Variants in HSCB observed in about 807,000 individuals in gnomAD.
The protein encoded by HSCB is iron-sulfur cluster co-chaperone protein HscB.
In HSCB, 23 loss-of-function variants were observed where a neutral mutation model predicts 31.3. That is an observed-to-expected ratio of 0.74 (90% confidence interval 0.53 to 1.04). The LOEUF (loss-of-function observed/expected upper bound fraction) is 1.04. HSCB is among the 50% of genes least tolerant of loss of function. The pLI is 0.00. For synonymous variants in HSCB, 110 were observed against 104.5 expected (o/e 1.05, Z -0.32); for missense variants, 297 against 288.1 (o/e 1.03, Z -0.22).
At chr22:28,742,623 A>C in intron 1 of HSCB, 1 of 397,914 alleles carries the variant, frequency 2.5e-6, no homozygotes, top group Non-Finnish European at 4.5e-6. Context: ...GGGAGATTTG[A>C]GGGGCGGTAC....
At chr22:28,742,542 AGG>A (rs941450446) in intron 1 of HSCB, 18 of 808,848 alleles carry the variant, frequency 2.2e-5, no homozygotes, top group Admixed American at 1.9e-4. Context: ...GGTGTGGAGA[AGG>A]GAGACGAACG....
rs769519079 is a variant in HSCB, at chr22:28,744,669, A to T, written c.388A>T (p.Thr130Ser). 6 of 1,613,928 alleles carry T rather than the reference A, an allele frequency of 3.7e-6. No homozygotes were observed. Among genetic ancestry groups the T allele is most frequent in the Admixed American group, 1.7e-5 (1 of 60,002 alleles). The change falls in exon 3 of 6, where the codon ACC (threonine) becomes TCC (serine). Residue 130 changes from threonine to serine, a missense_variant. Physicochemically the swap from Thr to Ser is moderately conservative, Grantham distance 58 (BLOSUM62 1). Transcript: ENST00000216027. Reference protein sequence around the residue: ...HSTLVNDAYKTLLAPLSRGLY... With the variant: ...HSTLVNDAYKSLLAPLSRGLY... ...GACCCTGGTGAATGATGCCTATAAG[A>T]CCCTCCTGGCCCCCCTGAGCAGAGG...
chr22:28,745,780 ATTATTT>A (rs1201976795), intron 3 of HSCB, 78 bp from the exon 4 acceptor site: 6 of 1,164,094 alleles, frequency 5.2e-6, no homozygotes, highest in Non-Finnish European at 7.3e-6. Flanking sequence ...TATTAGTGGT[ATTATTT>A]CCTAATGGAT....
intron 1 of HSCB, chr22:28,742,692 G>T: frequency 3.0e-6 from 1 of 334,936 alleles, no homozygotes; most frequent in Non-Finnish European, 5.6e-6. Flanking sequence ...TACTTGAGGG[G>T]CAGGGCCTGG....
chr22:28,754,834 C>G (rs1229722097), intron 5 of HSCB, among the ~76,000 whole-genome samples: 1 of 149,234 alleles, frequency 6.7e-6, no homozygotes, highest in Non-Finnish European at 1.5e-5. Context: ...TTTGCTCTTT[C>G]GCCCAGGCTA....
In HSCB at chr22:28,746,771, T is replaced by C. The variant is rs184401100; in HGVS notation, c.568+763T>C. Reference sequence around the variant, plus strand: ...AAAATTAGCCAGGCATGGTGGTGCATGCCTGTAATCCCAACTACTCGGGAA... The same window carrying C: ...AAAATTAGCCAGGCATGGTGGTGCACGCCTGTAATCCCAACTACTCGGGAA... On this transcript the variant is annotated intron_variant, in intron 4 of 5. Coordinates refer to ENST00000216027, the MANE Select transcript of HSCB (RefSeq NM_172002.5). Among the ~76,000 whole-genome samples, 1,161 of 152,080 alleles carry C rather than the reference T, an allele frequency of 7.6e-3. 16 individuals carry two copies. The highest frequency in any genetic ancestry group is 0.027 in the African/African-American group (1,121 of 41,484).
At chr22:28,746,136 T>TCATGCCTATAA (rs2054683497) in intron 4 of HSCB, 128 bp downstream of exon 4, 1 of 835,664 alleles carries the variant, frequency 1.2e-6, no homozygotes, top group African/African-American at 1.8e-5. Context: ...ATCCCAGCAC[T>TCATGCCTATAA]TTGGGAGGCC....
upstream of HSCB, chr22:28,742,035 G>T: frequency 1.3e-6 from 2 of 1,532,664 alleles, no homozygotes; most frequent in Admixed American, 1.9e-5. Context: ...ACATTAGTCT[G>T]GTTAGACGCT....
chr22:28,746,399 A>C (rs993202162), intron 4 of HSCB, among the ~76,000 whole-genome samples: 1 of 151,586 alleles, frequency 6.6e-6, no homozygotes, highest in Admixed American at 6.6e-5. Context: ...AAAAAAAAAA[A>C]AAAGGTTATT....
At chr22:28,742,379 A>T in intron 1 of HSCB, 48 bp downstream of exon 1, 1 of 1,598,172 alleles carries the variant, frequency 6.3e-7, no homozygotes, top group Non-Finnish European at 8.5e-7. Context: ...AGACACGTCG[A>T]GGTCTGGCCT....
intron 5 of HSCB, among the ~76,000 whole-genome samples, chr22:28,753,493 A>C (rs1055622398): frequency 2.4e-4 from 36 of 150,106 alleles, no homozygotes; most frequent in Non-Finnish European, 1.5e-5. Context: ...GCACCATTGC[A>C]CTCCAGCCTG....
At chr22:28,754,889 G>A (rs991033509) in intron 5 of HSCB, among the ~76,000 whole-genome samples, 5 of 150,286 alleles carry the variant, frequency 3.3e-5, no homozygotes, top group Non-Finnish European at 7.4e-5. Context: ...TCAGCCTTTC[G>A]GTTTCAAGTG....
intron 4 of HSCB, among the ~76,000 whole-genome samples, chr22:28,750,945 C>CTTTTTT (rs758451182): frequency 0.037 from 2,087 of 56,280 alleles, 261 homozygotes; most frequent in East Asian, 0.13. Flanking sequence ...ATATCTTTGT[C>CTTTTTT]TTTTTTTTTT....
intron 5 of HSCB, among the ~76,000 whole-genome samples, chr22:28,756,389 A>G (rs1445125362): frequency 6.6e-6 from 1 of 151,994 alleles, no homozygotes. Flanking sequence ...CCTGGCATAG[A>G]GGAAGCATTC....
chr22:28,742,440 G>C (rs553095898), intron 1 of HSCB, 109 bp downstream of exon 1: 13 of 1,485,712 alleles, frequency 8.8e-6, no homozygotes, highest in African/African-American at 2.8e-5. Context: ...GGGACTGATG[G>C]GGGGGCGGAG....
Position 28,744,485 on chromosome 22 carries a change from G to A in HSCB, c.334-130G>A, listed in dbSNP as rs916410527. The A allele has an allele frequency of 7.3e-5, 47 of 645,572 alleles. No homozygotes were observed. The African/African-American group carries it at 7.6e-4, about 10-fold the overall frequency. The allele number at this position is 645,572 out of a possible 1,614,324, so 40.0% of individuals were successfully genotyped here. ...GAGGATCACTTGAACGTGGGAGGTG[G>A]AGGTTGCAGTGAGCTGAGTTCGCGC... On this transcript the variant is annotated intron_variant, in intron 2 of 5. Coordinates refer to ENST00000216027, the MANE Select transcript of HSCB (RefSeq NM_172002.5).
At chr22:28,752,538 T>G (rs2146221537) in intron 5 of HSCB, among the ~76,000 whole-genome samples, 1 of 148,014 alleles carries the variant, frequency 6.8e-6, no homozygotes, top group Non-Finnish European at 1.5e-5. Context: ...ATTGAGAATA[T>G]CCTGGCTAAC....
chr22:28,748,581 C>G (rs915240259), intron 4 of HSCB, among the ~76,000 whole-genome samples: 13 of 151,758 alleles, frequency 8.6e-5, no homozygotes, highest in Non-Finnish European at 1.8e-4. Flanking sequence ...GGCATGATCT[C>G]GGCTCACTGC....
chr22:28,745,782 T>C, intron 3 of HSCB, 82 bp from the exon 4 acceptor site: 1 of 1,195,224 alleles, frequency 8.4e-7, no homozygotes, highest in South Asian at 1.5e-5. Flanking sequence ...TTAGTGGTAT[T>C]ATTTCCTAAT....
Sources: allele counts gnomAD v4.1 joint callset (sites outside exome capture counted in the v4.1 genomes callset), GRCh38; gene constraint gnomAD v4.1.1; transcripts MANE v1.5; gene names NCBI Gene and HGNC (gene_info 2026-07-23, HGNC 2026-07-21).